Variants in TRDN observed in about 807,000 individuals in gnomAD.
The protein encoded by TRDN is triadin in skeletal muscle.
In TRDN, 161 loss-of-function variants were observed where a neutral mutation model predicts 149.7. The ratio of observed to expected loss-of-function variants is 1.08; its 90% CI spans 0.95 to 1.23. TRDN has a LOEUF of 1.23. TRDN is among the 50% of genes most tolerant of loss of function. The pLI, the probability that TRDN is intolerant of heterozygous loss-of-function variation, is 0.00. For missense variants in TRDN, 896 were observed against 823.5 expected (o/e 1.09, Z -1.08); for synonymous variants, 294 against 250.5 (o/e 1.17, Z -1.64).
chr6:123,518,632 A>G (rs1351896993), intron 5 of TRDN, among the ~76,000 whole-genome samples: 4 of 152,194 alleles, frequency 2.6e-5, no homozygotes, highest in Non-Finnish European at 5.9e-5. Flanking sequence ...AAAGGGACTG[A>G]ATTCGGACTG....
chr6:123,530,224 A>G (rs1780171400), intron 5 of TRDN, among the ~76,000 whole-genome samples: 1 of 152,058 alleles, frequency 6.6e-6, no homozygotes, highest in Non-Finnish European at 1.5e-5. Context: ...CAGTAAATCA[A>G]TATGTATTTG....
intron 24 of TRDN, among the ~76,000 whole-genome samples, chr6:123,310,799 A>G (rs1272197014): frequency 6.6e-6 from 1 of 151,958 alleles, no homozygotes; most frequent in Non-Finnish European, 1.5e-5. Flanking sequence ...TTTAATGCAA[A>G]GGAAAGTGAC....
chr6:123,383,469 G>A (rs1781794612), intron 14 of TRDN, among the ~76,000 whole-genome samples: 2 of 151,908 alleles, frequency 1.3e-5, no homozygotes, highest in South Asian at 4.2e-4. Flanking sequence ...TAAATATTTA[G>A]GGAAATGCTT....
At chr6:123,269,913 C>T in intron 30 of TRDN, 47 bp from the exon 31 acceptor site, 1 of 1,577,112 alleles carries the variant, frequency 6.3e-7, no homozygotes, top group African/African-American at 1.4e-5. Flanking sequence ...GAGTACAAAC[C>T]ATGGAAAAAA....
rs77595999 is a variant in TRDN, at chr6:123,333,132, A to T, written c.1421-1203T>A. ...GCTTCATTAACTGTTTTTCAAGCTG[A>T]TGGGGGTAATTTACTGCTCTTGCAC... On this transcript the variant is annotated intron_variant, in intron 22 of 40. Coordinates refer to ENST00000334268, the MANE Select transcript of TRDN (RefSeq NM_006073.4). Among the ~76,000 whole-genome samples the T allele has an allele frequency of 3.1e-3, 467 of 152,162 alleles. 16 individuals are homozygous for T. In the East Asian group the frequency reaches 0.077, roughly 25 times the overall value.
chr6:123,314,546 A>G (rs1360252539), intron 24 of TRDN, among the ~76,000 whole-genome samples: 4 of 152,102 alleles, frequency 2.6e-5, no homozygotes, highest in Non-Finnish European at 5.9e-5. Flanking sequence ...ATGCACACAT[A>G]TGTTCATTGC....
At chr6:123,487,835 C>T (rs1778040684) in intron 9 of TRDN, among the ~76,000 whole-genome samples, 1 of 152,058 alleles carries the variant, frequency 6.6e-6, no homozygotes, top group Non-Finnish European at 1.5e-5. Context: ...AGCACTTAGT[C>T]AAATATTATC....
intron 5 of TRDN, chr6:123,529,392 C>A: frequency 6.6e-7 from 1 of 1,523,486 alleles, no homozygotes; most frequent in Non-Finnish European, 8.9e-7. Context: ...ACTGAGTGAG[C>A]TTCAATGTTC....
intron 1 of TRDN, among the ~76,000 whole-genome samples, chr6:123,573,290 C>T (rs951769490): frequency 6.6e-6 from 1 of 152,044 alleles, no homozygotes; most frequent in African/African-American, 2.4e-5. Flanking sequence ...AGAAATAACT[C>T]ATGCAAATTG....
At chr6:123,608,923 A>C (rs997547810) in intron 1 of TRDN, among the ~76,000 whole-genome samples, 1 of 152,232 alleles carries the variant, frequency 6.6e-6, no homozygotes, top group South Asian at 2.1e-4. Context: ...CTGTAATCTC[A>C]GCACTTTGGG....
At chr6:123,239,496 T>C (rs1192400224) in intron 38 of TRDN, among the ~76,000 whole-genome samples, 2 of 152,128 alleles carry the variant, frequency 1.3e-5, no homozygotes, top group African/African-American at 4.8e-5. Context: ...AACTAATATA[T>C]TAGTTCACAA....
At chr6:123,257,383 T>TATTAAA (rs1247656437) in intron 35 of TRDN, among the ~76,000 whole-genome samples, 1 of 152,218 alleles carries the variant, frequency 6.6e-6, no homozygotes, top group Non-Finnish European at 1.5e-5. Flanking sequence ...CAACACCATT[T>TATTAAA]ATTAAATAGT....
chr6:123,581,963 T>A (rs1783141607), intron 1 of TRDN, among the ~76,000 whole-genome samples: 1 of 152,148 alleles, frequency 6.6e-6, no homozygotes, highest in Non-Finnish European at 1.5e-5. Flanking sequence ...AATCAAACTC[T>A]GTAAAATAAA....
intron 1 of TRDN, among the ~76,000 whole-genome samples, chr6:123,595,872 C>A (rs1784013397): frequency 6.6e-6 from 1 of 152,080 alleles, no homozygotes; most frequent in African/African-American, 2.4e-5. Context: ...CTCTCTCTCC[C>A]TCTCCTCAGA....
At chr6:123,262,930 G>A (rs1399017859) in intron 33 of TRDN, among the ~76,000 whole-genome samples, 1 of 143,612 alleles carries the variant, frequency 7.0e-6, no homozygotes, top group African/African-American at 2.6e-5. Context: ...CCTGAGACTC[G>A]ATGGTTTTGA....
intron 38 of TRDN, among the ~76,000 whole-genome samples, chr6:123,230,401 G>C (rs575785192): frequency 1.4e-3 from 206 of 151,930 alleles, no homozygotes; most frequent in African/African-American, 4.5e-3. Context: ...GTGGGAGGAG[G>C]GGGGAGGGAT....
At chr6:123,501,715 G>A (rs1025903499) in intron 8 of TRDN, 7 of 466,206 alleles carry the variant, frequency 1.5e-5, no homozygotes, top group Non-Finnish European at 2.0e-5. Flanking sequence ...CAATTGTTTA[G>A]CTGATAAAAT....
chr6:123,261,993 C>T (rs554165236), intron 33 of TRDN, among the ~76,000 whole-genome samples: 2 of 152,004 alleles, frequency 1.3e-5, no homozygotes, highest in African/African-American at 4.8e-5. Flanking sequence ...GGTATTAAAA[C>T]ATATAAATAC....
rs1315149718 is a variant in TRDN, at chr6:123,270,561, T to G, written c.1720+578A>C. The stretch of plus-strand genomic sequence containing the variant: ...AGATGTGAATTGATTTCAAGACTCA[T>G]AAGTTTTCTTTTTCCTTACAGGAAA... On this transcript the variant is annotated intron_variant, in intron 30 of 40. Transcript: ENST00000334268. Among the ~76,000 whole-genome samples, 4 of 151,986 alleles carry G rather than the reference T, an allele frequency of 2.6e-5. No homozygotes were observed. In the South Asian group the frequency reaches 6.2e-4, roughly 24 times the overall value.
Sources: gnomAD v4.1 joint callset for allele counts (sites outside exome capture counted in the v4.1 genomes callset) on GRCh38, gnomAD v4.1.1 for gene constraint, MANE v1.5 for transcripts, NCBI Gene and HGNC (gene_info 2026-07-23, HGNC 2026-07-21) for gene names.